Variants in PRKDC observed in about 807,000 individuals in gnomAD.
PRKDC encodes protein kinase, DNA-activated, catalytic subunit, also known as DNA-dependent protein kinase catalytic subunit.
PRKDC carries 82 observed loss-of-function variants against 486.9 expected under a neutral mutation model. That is an observed-to-expected ratio of 0.17 (90% CI 0.14 to 0.20). The LOEUF (loss-of-function observed/expected upper bound fraction) is 0.20, where lower values mean the gene tolerates loss of function less well. Ranked by LOEUF, PRKDC falls within the 10% of genes least tolerant of loss-of-function variation. PRKDC has a pLI of 1.00. For synonymous variants in PRKDC, 1,895 were observed against 1,837.0 expected (o/e 1.03, Z -0.81); for missense variants, 4,504 against 5,038.2 (o/e 0.89, Z 3.21).
chr8:47,920,820 C>T (rs185751184), intron 21 of PRKDC, among the ~76,000 whole-genome samples: 7 of 152,266 alleles, frequency 4.6e-5, no homozygotes, highest in Admixed American at 2.0e-4. Flanking sequence ...ATATACATAA[C>T]ATGAAATGTA....
intron 52 of PRKDC, among the ~76,000 whole-genome samples, chr8:47,851,083 T>C (rs1316301671): frequency 6.6e-6 from 1 of 152,260 alleles, no homozygotes; most frequent in African/African-American, 2.4e-5. Context: ...GTGCCGGGAT[T>C]ATAGGCATGA....
In PRKDC at chr8:47,935,889, C is replaced by T. The variant is rs766963444; in HGVS notation, c.1290G>A (p.Val430=). 1.2e-6 allele frequency: 2 copies of T among 1,613,558 alleles called. No individual in the cohort carries two copies. Among genetic ancestry groups the T allele is most frequent in the South Asian group, 1.1e-5 (1 of 91,030 alleles). Residue 430 remains valine (V), a synonymous_variant, in exon 13 of 86, where the codon GTG becomes GTA. Coordinates refer to ENST00000314191, the MANE Select transcript of PRKDC (RefSeq NM_006904.7). ...VLLYLDTVPE[V]YTPVLEHLVV... ...CGAGGTGCTCCAGAACTGGAGTATA[C>T]ACCTCAGGAACCTACCGGAAATAAT...
At chr8:47,888,946 A>T in intron 33 of PRKDC, 68 bp downstream of exon 33, 1 of 1,470,238 alleles carries the variant, frequency 6.8e-7, no homozygotes, top group Non-Finnish European at 9.4e-7. Context: ...CAGCTGCAGG[A>T]GCACGGCAAC....
At chr8:47,868,052 G>A (rs72647908) in intron 40 of PRKDC, among the ~76,000 whole-genome samples, 7,950 of 152,192 alleles carry the variant, frequency 0.052, 231 homozygotes, top group Middle Eastern at 0.075. Flanking sequence ...AGGTTATGGC[G>A]TATAATGTTT....
intron 55 of PRKDC, 47 bp downstream of exon 55, chr8:47,839,969 C>T: frequency 6.9e-7 from 1 of 1,442,196 alleles, no homozygotes; most frequent in Non-Finnish European, 9.4e-7. Flanking sequence ...AGAGCAAGAC[C>T]TTATCTCAAA....
At chr8:47,829,193 G>A (rs931733008) in intron 61 of PRKDC, among the ~76,000 whole-genome samples, 2 of 152,066 alleles carry the variant, frequency 1.3e-5, no homozygotes, top group African/African-American at 4.8e-5. Flanking sequence ...TTTGCTACAC[G>A]TTTGCCTCTG....
At chr8:47,882,946 C>T (rs2089252130) in intron 36 of PRKDC, among the ~76,000 whole-genome samples, 1 of 152,220 alleles carries the variant, frequency 6.6e-6, no homozygotes, top group Non-Finnish European at 1.5e-5. Flanking sequence ...GGTCTATCTG[C>T]CCCATTTCTG....
chr8:47,824,025 A>C, intron 63 of PRKDC, 29 bp from the exon 64 acceptor site: 1 of 1,542,292 alleles, frequency 6.5e-7, no homozygotes, highest in Non-Finnish European at 8.8e-7. Context: ...AGGCCAAATC[A>C]ATGAACACTC....
intron 25 of PRKDC, 35 bp from the exon 26 acceptor site, chr8:47,905,011 C>T (rs1322181969): frequency 1.4e-6 from 2 of 1,455,506 alleles, no homozygotes; most frequent in African/African-American, 1.4e-5. Flanking sequence ...TAATTCCCTT[C>T]ATGTTAAAGA....
chr8:47,881,929 G>C lies in PRKDC; in HGVS notation c.4945C>G (p.Leu1649Val), dbSNP rs1319543401. 9 of 1,606,518 alleles carry C rather than the reference G, an allele frequency of 5.6e-6. No individual in the cohort carries two copies. Among genetic ancestry groups the C allele is most frequent in the Non-Finnish European group, 7.7e-6 (9 of 1,175,552 alleles). ...TTGAATACCTGTAAAATTTTTGCCAGTAAGGCCAGCACTGCCATTTTAGTT... is the reference window on the plus strand; with the variant it reads ...TTGAATACCTGTAAAATTTTTGCCACTAAGGCCAGCACTGCCATTTTAGTT... Reference protein sequence around the residue: ...LETKMAVLALLAKILQIDSSV... With the variant: ...LETKMAVLALVAKILQIDSSV... Residue 1649 changes from leucine to valine, a missense_variant, in exon 37 of 86, where the codon CTG (leucine) becomes GTG (valine). Coordinates refer to ENST00000314191, the MANE Select transcript of PRKDC (RefSeq NM_006904.7).
At chr8:47,888,354 T>C (rs1277841365) in intron 34 of PRKDC, among the ~76,000 whole-genome samples, 164 bp downstream of exon 34, 3 of 152,222 alleles carry the variant, frequency 2.0e-5, no homozygotes, top group East Asian at 1.9e-4. Flanking sequence ...TGATATATCA[T>C]AGATATACAG....
chr8:47,867,790 GCT>G (rs1315220503), intron 40 of PRKDC, among the ~76,000 whole-genome samples: 1 of 152,084 alleles, frequency 6.6e-6, no homozygotes, highest in African/African-American at 2.4e-5. Flanking sequence ...ATTTTTTCAG[GCT>G]CTCTGGCCTT....
intron 77 of PRKDC, 79 bp from the exon 78 acceptor site, chr8:47,783,888 T>C: frequency 7.2e-7 from 1 of 1,390,588 alleles, no homozygotes; most frequent in Non-Finnish European, 1.0e-6. Flanking sequence ...CTTGATCTAC[T>C]TTTTAAAAAG....
intron 73 of PRKDC, among the ~76,000 whole-genome samples, chr8:47,796,461 C>T (rs532076560): frequency 1.3e-5 from 2 of 152,098 alleles, no homozygotes; most frequent in Non-Finnish European, 2.9e-5. Flanking sequence ...TGTTTATTTG[C>T]CTTACATCCT....
chr8:47,916,660 A>G (rs917673921), intron 22 of PRKDC, among the ~76,000 whole-genome samples: 3 of 152,180 alleles, frequency 2.0e-5, no homozygotes, highest in African/African-American at 7.2e-5. Flanking sequence ...ATTTCAATAA[A>G]AATTGTGTCC....
At position 47,773,292 on chromosome 8, in the gene PRKDC, T is replaced by G. The variant is rs202126559; in HGVS notation, c.*881A>C. The G allele has an allele frequency of 2.3e-4, 53 of 226,928 alleles. No homozygotes were observed. The East Asian group carries it at 2.5e-3, about 11-fold the overall frequency. 14.1% of individuals were successfully genotyped at this position (226,928 alleles called of 1,614,324 possible). Reference sequence around the variant, plus strand: ...GGACTGCACATGGGAAGGAGCCACTTTTGTATTCCATAATTTCATCTTGTT... The same window carrying G: ...GGACTGCACATGGGAAGGAGCCACTGTTGTATTCCATAATTTCATCTTGTT... On this transcript the variant is annotated 3_prime_UTR_variant, in exon 86 of 86. Coordinates refer to ENST00000314191, the MANE Select transcript of PRKDC (RefSeq NM_006904.7).
intron 39 of PRKDC, among the ~76,000 whole-genome samples, chr8:47,878,940 C>A (rs1387819635): frequency 6.6e-6 from 1 of 152,104 alleles, no homozygotes; most frequent in Admixed American, 6.5e-5. Context: ...CACAAACATT[C>A]CAAAATCCGA....
chr8:47,886,182 G>A, intron 35 of PRKDC, 35 bp from the exon 36 acceptor site: 1 of 1,505,376 alleles, frequency 6.6e-7, no homozygotes, highest in Non-Finnish European at 8.9e-7. Flanking sequence ...CATAACTGGG[G>A]CACATCTTTG....
rs1430686007 is a variant in PRKDC at position 47,943,847 on chromosome 8, T to A, written c.808+6A>T. 1 of 1,579,404 alleles carries A rather than the reference T, an allele frequency of 6.3e-7. No individual in the cohort carries two copies. The highest frequency in any genetic ancestry group is 1.8e-5 in the Admixed American group (1 of 57,114). On this transcript the variant is annotated splice_donor_region_variant and intron_variant, in intron 9 of 85. Transcript: ENST00000314191. ...ATATTATACCTCATTATAAACAGAA[T>A]CCTACCTGAGGGCACAGCATATCTC...
Sources: gnomAD v4.1 joint callset for allele counts (sites outside exome capture counted in the v4.1 genomes callset) on GRCh38, gnomAD v4.1.1 for gene constraint, MANE v1.5 for transcripts, NCBI Gene and HGNC (gene_info 2026-07-23, HGNC 2026-07-21) for gene names.